The following CGAS variants were observed in gnomAD, a reference collection of about 807,000 sequenced individuals.
CGAS encodes 2'3'-cGAMP synthase.
In CGAS, 31 loss-of-function variants were observed where a neutral mutation model predicts 34.0. That is an observed-to-expected ratio of 0.91 (90% CI 0.69 to 1.23). The LOEUF (loss-of-function observed/expected upper bound fraction) is 1.23. Ranked by LOEUF, CGAS falls within the 50% of genes most tolerant of loss-of-function variation. The probability of loss-of-function intolerance (pLI) is 0.00; values close to 1 mark genes in which losing one functional copy is unlikely to be tolerated. For synonymous variants in CGAS, 266 were observed against 260.0 expected (o/e 1.02, Z -0.22); for missense variants, 597 against 657.6 (o/e 0.91, Z 1.01).
chr6:73,439,350 G>A (rs189751642), intron 3 of CGAS, among the ~76,000 whole-genome samples: 7 of 151,602 alleles, frequency 4.6e-5, no homozygotes, highest in Non-Finnish European at 8.8e-5. Flanking sequence ...GCATGGTAGC[G>A]GGCACCTGTA....
chr6:73,446,502 G>A (rs62440618), intron 1 of CGAS, among the ~76,000 whole-genome samples: 89 of 22,052 alleles, frequency 4.0e-3, no homozygotes, highest in Middle Eastern at 0.024. Flanking sequence ...GAGGCGGGTG[G>A]ATCATGAGGT....
chr6:73,448,343 A>AGG (rs1770502720), intron 1 of CGAS, among the ~76,000 whole-genome samples: 3 of 152,256 alleles, frequency 2.0e-5, no homozygotes, highest in Admixed American at 1.3e-4. Context: ...CAGTGAGCTG[A>AGG]GGCCACCCAC....
At chr6:73,434,155 T>C (rs946692471) in intron 3 of CGAS, among the ~76,000 whole-genome samples, 2 of 152,206 alleles carry the variant, frequency 1.3e-5, no homozygotes, top group African/African-American at 4.8e-5. Context: ...AGTTCAGGGA[T>C]AGCTACACAA....
In CGAS at chr6:73,425,365, T is replaced by C. The variant is rs1430672906; in HGVS notation, c.1431A>G (p.Thr477=). The C allele has an allele frequency of 3.1e-6, 5 of 1,612,146 alleles. No individual in the cohort carries two copies. Among genetic ancestry groups the C allele is most frequent in the Middle Eastern group, 1.7e-4 (1 of 6,058 alleles). Residue 477 remains threonine, a synonymous_variant, in exon 5 of 5, where the codon ACA becomes ACG. Coordinates refer to ENST00000370315, the MANE Select transcript of CGAS (RefSeq NM_138441.3). ...CVTYFLQCLR[T]EKLENYFIPE... ...GAATAAAATAATTCTCAAGTTTTTCTGTCCTGAGGCACTGAAGAAAGTATG... is the reference window on the plus strand; with the variant it reads ...GAATAAAATAATTCTCAAGTTTTTCCGTCCTGAGGCACTGAAGAAAGTATG...
At chr6:73,433,801 G>C (rs139409331) in intron 3 of CGAS, among the ~76,000 whole-genome samples, 9 of 152,136 alleles carry the variant, frequency 5.9e-5, no homozygotes, top group Non-Finnish European at 1.3e-4. Context: ...TTTTTACACA[G>C]TGTTGTCCAA....
intron 4 of CGAS, 120 bp downstream of exon 4, chr6:73,428,589 C>G (rs1161245201): frequency 8.7e-6 from 7 of 805,156 alleles, no homozygotes; most frequent in Non-Finnish European, 1.2e-5. Context: ...CCAGCTCAAC[C>G]CAATCCTGCC....
chr6:73,447,815 T>C (rs1019466209), intron 1 of CGAS, among the ~76,000 whole-genome samples: 5 of 152,218 alleles, frequency 3.3e-5, no homozygotes, highest in African/African-American at 1.2e-4. Flanking sequence ...GTTAGTATAT[T>C]GAAATATTTT....
chr6:73,451,272 T>C lies in CGAS; in HGVS notation c.657+253A>G, dbSNP rs184252577. ...ATGTCGGCTTGCATGAATGAACCCA[T>C]ACATTTGAATTCCCCCGGGAGCAGT... is the stretch of plus-strand genomic sequence containing the variant. On this transcript the variant is annotated intron_variant, in intron 1 of 4. Coordinates refer to ENST00000370315, the MANE Select transcript of CGAS (RefSeq NM_138441.3). Among the ~76,000 whole-genome samples, 70 of 152,266 alleles carry C rather than the reference T, an allele frequency of 4.6e-4. 1 individual carries two copies. In the East Asian group the frequency reaches 0.01, roughly 22 times the overall value.
At chr6:73,433,395 A>G (rs1770224460) in intron 3 of CGAS, among the ~76,000 whole-genome samples, 2 of 152,040 alleles carry the variant, frequency 1.3e-5, no homozygotes, top group East Asian at 1.9e-4. Context: ...ACTACAAGCT[A>G]CAAGTGCACA....
At chr6:73,446,500 T>C (rs62440617) in intron 1 of CGAS, among the ~76,000 whole-genome samples, 236 of 12,464 alleles carry the variant, frequency 0.019, no homozygotes, top group East Asian at 0.079. Flanking sequence ...CCGAGGCGGG[T>C]GGATCATGAG....
intron 1 of CGAS, among the ~76,000 whole-genome samples, chr6:73,449,709 G>T (rs998160910): frequency 6.6e-6 from 1 of 151,796 alleles, no homozygotes; most frequent in Non-Finnish European, 1.5e-5. Flanking sequence ...TCAAGACACA[G>T]TCTGGGCTGG....
chr6:73,429,621 T>C (rs1432160501), intron 3 of CGAS, among the ~76,000 whole-genome samples: 2 of 151,544 alleles, frequency 1.3e-5, no homozygotes, highest in Admixed American at 6.6e-5. Flanking sequence ...GGTCGGGAGA[T>C]CAAGACCATC....
At chr6:73,447,487 T>G (rs1326143303) in intron 1 of CGAS, among the ~76,000 whole-genome samples, 1 of 152,184 alleles carries the variant, frequency 6.6e-6, no homozygotes, top group Admixed American at 6.5e-5. Context: ...TTTTGCCATG[T>G]TGACCAGGCT....
chr6:73,446,120 G>A (rs1562294563), intron 1 of CGAS, among the ~76,000 whole-genome samples: 1 of 151,886 alleles, frequency 6.6e-6, no homozygotes, highest in East Asian at 1.9e-4. Context: ...CCTGAGGTCA[G>A]GTGTTCGAGA....
chr6:73,446,823 C>G (rs1188680361), intron 1 of CGAS, among the ~76,000 whole-genome samples: 1 of 150,816 alleles, frequency 6.6e-6, no homozygotes, highest in Non-Finnish European at 1.5e-5. Flanking sequence ...TTTGGGAGGA[C>G]GAGGCAGGCG....
At chr6:73,432,333 G>A (rs971602969) in intron 3 of CGAS, among the ~76,000 whole-genome samples, 7 of 151,670 alleles carry the variant, frequency 4.6e-5, no homozygotes, top group African/African-American at 1.7e-4. Context: ...GGCTAATTTT[G>A]TATTTTTAGT....
chr6:73,430,892 T>C (rs367655303), intron 3 of CGAS, among the ~76,000 whole-genome samples: 2 of 150,156 alleles, frequency 1.3e-5, no homozygotes, highest in Admixed American at 1.3e-4. Context: ...ACCTGAGATA[T>C]GGGGTTCAAG....
In CGAS at chr6:73,451,951, A is replaced by C. The variant is rs1238843255; in HGVS notation, c.231T>G (p.Thr77=). Residue 77 remains threonine, a synonymous_variant, in exon 1 of 5, where the codon ACT becomes ACG. Coordinates refer to ENST00000370315, the MANE Select transcript of CGAS (RefSeq NM_138441.3). The part of the protein sequence containing the change: ...DTQERPPVRA[T]GARAKKAPQR... ...GAGGGGCCTTTTTGGCGCGGGCCCC[A>C]GTTGCGCGGACGGGCGGCCTCTCCT... 1.7e-5 allele frequency: 25 copies of C among 1,491,378 alleles called. No individual in the cohort carries two copies. Among genetic ancestry groups the C allele is most frequent in the East Asian group, 2.5e-5 (1 of 39,912 alleles). The allele number at this position is 1,491,378 out of a possible 1,614,324, so 92.4% of individuals were successfully genotyped here. A position where few individuals can be genotyped will look rare whatever the true frequency, so the allele number is the denominator to read the frequency against.
intron 3 of CGAS, among the ~76,000 whole-genome samples, chr6:73,432,977 A>G (rs1770219498): frequency 6.6e-6 from 1 of 152,018 alleles, no homozygotes; most frequent in Non-Finnish European, 1.5e-5. Context: ...CCAGCTACTC[A>G]GGAGGCTGAG....
Sources: gnomAD v4.1 joint callset for allele counts (sites outside exome capture counted in the v4.1 genomes callset) on GRCh38, gnomAD v4.1.1 for gene constraint, MANE v1.5 for transcripts, NCBI Gene and HGNC (gene_info 2026-07-23, HGNC 2026-07-21) for gene names.